The following FXR2 variants were observed in gnomAD, a reference collection of about 807,000 sequenced individuals.
FXR2 encodes the protein FMR1 autosomal homolog 2.
FXR2 carries 9 observed loss-of-function variants against 87.3 expected under a neutral mutation model. That is an observed-to-expected ratio of 0.10 (90% confidence interval 0.06 to 0.18). FXR2 has a LOEUF of 0.18. FXR2 is among the 10% of genes least tolerant of loss of function. FXR2 has a pLI of 1.00. For missense variants in FXR2, 661 were observed against 893.6 expected (o/e 0.74, Z 3.32); for synonymous variants, 331 against 328.3 (o/e 1.01, Z -0.09).
At chr17:7,597,846 C>T (rs1020583430) in intron 7 of FXR2, among the ~76,000 whole-genome samples, 1 of 150,536 alleles carries the variant, frequency 6.6e-6, no homozygotes, top group Non-Finnish European at 1.5e-5. Flanking sequence ...ACCCTCTAAT[C>T]ATGAAGCCAC....
At position 7,602,199 on chromosome 17, in the gene FXR2, G is replaced by A. The variant is rs368659934; in HGVS notation, c.544-674C>T. On this transcript the variant is annotated intron_variant, in intron 6 of 16. Transcript: ENST00000250113. ...AGCACTTTGGGAGGCCAAGGCGGGC[G>A]GATCACGACGTCAGGAGTTCAAGAC... Among the ~76,000 whole-genome samples the A allele has an allele frequency of 1.6e-3, 245 of 152,292 alleles. 9 individuals are homozygous for A. The South Asian group carries it at 0.046, about 28-fold the overall frequency.
chr17:7,597,168 C>T (rs1031053153), intron 7 of FXR2, among the ~76,000 whole-genome samples: 4 of 152,158 alleles, frequency 2.6e-5, no homozygotes, highest in African/African-American at 4.8e-5. Context: ...CTTCATTTCT[C>T]AATCAGTCCT....
intron 1 of FXR2, 64 bp downstream of exon 1, chr17:7,614,388 C>T: frequency 1.7e-6 from 2 of 1,192,616 alleles, no homozygotes; most frequent in East Asian, 2.6e-5. Context: ...CCGCCCCACG[C>T]GTTCCTGCTC....
In FXR2 at chr17:7,592,839, C is replaced by G. The variant is rs1309784957; in HGVS notation, c.1584G>C (p.Glu528Asp). 1 of 1,611,608 alleles carries G rather than the reference C, an allele frequency of 6.2e-7. No individual in the cohort carries two copies. Among genetic ancestry groups the G allele is most frequent in the African/African-American group, 1.3e-5 (1 of 74,960 alleles). Residue 528 changes from glutamate (E) to aspartate (D), a missense_variant, in exon 14 of 17, where the codon GAG becomes GAC. Glu to Asp is a conservative substitution (Grantham distance 45, BLOSUM62 2). This residue lies in a region of FXR2 where 409 missense variants were observed against 432.0 expected (regional missense o/e 0.95). Transcript: ENST00000250113. This position sits in a 1 kb window ranked among gnomAD's most constrained non-coding sequence, Gnocchi z 4.8. ...PYSLLDTSEP[E>D]PPVDSEPGEP... ...CCCCAGGTTCTGAATCAACCGGGGGCTCTGGTTCAGACGTGTCCAATAGGC... is the reference window on the plus strand; with the variant it reads ...CCCCAGGTTCTGAATCAACCGGGGGGTCTGGTTCAGACGTGTCCAATAGGC...
chr17:7,599,051 C>T (rs1034261531), intron 7 of FXR2, among the ~76,000 whole-genome samples: 1 of 151,800 alleles, frequency 6.6e-6, no homozygotes, highest in African/African-American at 2.4e-5. Context: ...GCACAAGAAT[C>T]GCTTGAACCC....
At chr17:7,608,458 AATAT>A (rs2071822581) in intron 1 of FXR2, among the ~76,000 whole-genome samples, 1 of 150,174 alleles carries the variant, frequency 6.7e-6, no homozygotes, top group African/African-American at 2.4e-5. Flanking sequence ...TAATAATAAT[AATAT>A]ATAAATTAGC....
Position 7,594,910 on chromosome 17 carries a change from G to T in FXR2, c.832-153C>A, listed in dbSNP as rs567894254. Among the ~76,000 whole-genome samples, 1 of 151,848 alleles carries T rather than the reference G, an allele frequency of 6.6e-6. No individual in the cohort carries two copies. The highest frequency in any genetic ancestry group is 1.5e-5 in the Non-Finnish European group (1 of 67,948). On this transcript the variant is annotated intron_variant, in intron 8 of 16. Coordinates refer to ENST00000250113, the MANE Select transcript of FXR2 (RefSeq NM_004860.4). The surrounding 1 kb of genome is among the most constrained non-coding windows in gnomAD (Gnocchi z 5.1). Reference sequence around the variant, plus strand: ...ACTAGCCTGGGCAATATGGTGAAACGCCATCTCTACTAAAAATACAAAAAT... The same window carrying T: ...ACTAGCCTGGGCAATATGGTGAAACTCCATCTCTACTAAAAATACAAAAAT...
In FXR2 at chr17:7,593,803, A is replaced by C; in HGVS notation, c.1107+115T>G. On this transcript the variant is annotated intron_variant, in intron 11 of 16. Transcript: ENST00000250113. This position sits in a 1 kb window ranked among gnomAD's most constrained non-coding sequence, Gnocchi z 6.1. Reference sequence around the variant, plus strand: ...ACCCTATAGCCCCAAATTTCCACAGATGTTTTCTGTTCTACACGGAGAGAC... The same window carrying C: ...ACCCTATAGCCCCAAATTTCCACAGCTGTTTTCTGTTCTACACGGAGAGAC... The C allele has an allele frequency of 1.2e-6, 1 of 835,144 alleles. No homozygotes were observed. The highest frequency in any genetic ancestry group is 2.0e-6 in the Non-Finnish European group (1 of 506,886). The allele number at this position is 835,144 out of a possible 1,614,324, so 51.7% of individuals were successfully genotyped here. A position where few individuals can be genotyped will look rare whatever the true frequency, so the allele number is the denominator to read the frequency against.
Position 7,593,503 on chromosome 17 carries a change from G to T in FXR2, c.1230C>A (p.Ser410Arg). 6.3e-7 allele frequency: 1 copy of T among 1,586,614 alleles called. No individual in the cohort carries two copies. ...GGGAGGAGGAGGAGCTCTCATCAGT[G>T]CTATATCCAGCCTTGTCGCTGCCAC... ...GSGGSDKAGY[S>R]TDESSSSSLH... is the part of the protein sequence containing the mutation. The change falls in exon 12 of 17, where the codon AGC (serine) becomes AGA (arginine). Residue 410 changes from serine (S) to arginine (R), a missense_variant. Physicochemically the swap from Ser to Arg is moderately radical, Grantham distance 110. Coordinates refer to ENST00000250113, the MANE Select transcript of FXR2 (RefSeq NM_004860.4). The surrounding 1 kb of genome is among the most constrained non-coding windows in gnomAD (Gnocchi z 6.1).
chr17:7,596,156 G>C, intron 7 of FXR2, 162 bp from the exon 8 acceptor site: 1 of 607,462 alleles, frequency 1.6e-6, no homozygotes, highest in Non-Finnish European at 2.9e-6. Flanking sequence ...GAAAGGTCAG[G>C]AACTTTTTGT....
chr17:7,608,280 T>G (rs1458966411), intron 1 of FXR2, among the ~76,000 whole-genome samples: 1 of 151,634 alleles, frequency 6.6e-6, no homozygotes, highest in Non-Finnish European at 1.5e-5. Context: ...GATATCTTGT[T>G]CCAGCACTGT....
intron 1 of FXR2, among the ~76,000 whole-genome samples, chr17:7,609,945 TATATGTATAC>T (rs2071839235): frequency 1.0e-5 from 1 of 98,748 alleles, no homozygotes; most frequent in African/African-American, 3.2e-5. Flanking sequence ...TATATACATG[TATATGTATAC>T]ATATATATAC....
rs1174369606 is a variant in FXR2 at position 7,614,609 on chromosome 17, C to T, written c.-77G>A. Reference sequence around the variant, plus strand: ...AGTGCGGGCCGGGCCAGGCCCCCGGCGTCTCCCCGGAGGAGGAGCCGGAGG... The same window carrying T: ...AGTGCGGGCCGGGCCAGGCCCCCGGTGTCTCCCCGGAGGAGGAGCCGGAGG... On this transcript the variant is annotated 5_prime_UTR_variant, in exon 1 of 17. Coordinates refer to ENST00000250113, the MANE Select transcript of FXR2 (RefSeq NM_004860.4). 1 of 935,682 alleles carries T rather than the reference C, an allele frequency of 1.1e-6. No individual in the cohort carries two copies. The highest frequency in any genetic ancestry group is 1.4e-6 in the Non-Finnish European group (1 of 704,224). The allele number at this position is 935,682 out of a possible 1,614,324, so 58.0% of individuals were successfully genotyped here.
At chr17:7,612,687 T>C (rs1353109111) in intron 1 of FXR2, among the ~76,000 whole-genome samples, 1 of 151,880 alleles carries the variant, frequency 6.6e-6, no homozygotes, top group Non-Finnish European at 1.5e-5. Context: ...TGGGTAAGTA[T>C]GAAGAGTGAG....
chr17:7,596,830 C>T (rs1247260839), intron 7 of FXR2, among the ~76,000 whole-genome samples: 1 of 152,050 alleles, frequency 6.6e-6, no homozygotes, highest in African/African-American at 2.4e-5. Context: ...AGGCTGTGCG[C>T]GGTGGCTCAC....
At chr17:7,606,460 C>G (rs2071803975) in intron 1 of FXR2, among the ~76,000 whole-genome samples, 1 of 152,168 alleles carries the variant, frequency 6.6e-6, no homozygotes, top group Non-Finnish European at 1.5e-5. Context: ...AGCAGCCTGC[C>G]AGAGTTCAAT....
intron 3 of FXR2, among the ~76,000 whole-genome samples, chr17:7,605,386 AC>A: frequency 6.6e-6 from 1 of 152,244 alleles, no homozygotes; most frequent in African/African-American, 2.4e-5. Context: ...AACAACAACA[AC>A]AACAAAAAAA....
Position 7,594,128 on chromosome 17 carries a change from T to TA in FXR2, c.1020+109dup. ...TTCTGGGCTCTAAATCTACTAGTGTTAAACAACTTTCCGTACTCCACCCTC... is the reference window on the plus strand; with the variant it reads ...TTCTGGGCTCTAAATCTACTAGTGTTAAAACAACTTTCCGTACTCCACCCTC... On this transcript the variant is annotated intron_variant, in intron 10 of 16. Transcript: ENST00000250113. The surrounding 1 kb of genome is among the most constrained non-coding windows in gnomAD (Gnocchi z 5.1). 2.2e-6 allele frequency: 2 copies of TA among 895,464 alleles called. No homozygotes were observed. Among genetic ancestry groups the TA allele is most frequent in the Non-Finnish European group, 3.7e-6 (2 of 541,842 alleles). The allele number at this position is 895,464 out of a possible 1,614,324, so 55.5% of individuals were successfully genotyped here. A position where few individuals can be genotyped will look rare whatever the true frequency, so the allele number is the denominator to read the frequency against.
chr17:7,591,463 A>G lies in FXR2; in HGVS notation c.*367T>C. On this transcript the variant is annotated 3_prime_UTR_variant, in exon 17 of 17. Coordinates refer to ENST00000250113, the MANE Select transcript of FXR2 (RefSeq NM_004860.4). The surrounding 1 kb of genome is among the most constrained non-coding windows in gnomAD (Gnocchi z 4.0). ...GAAATGGGGGGTACAGGATGGGAGG[A>G]GGGATAGCAGGGGAGGCCCCCTGAA... The G allele has an allele frequency of 3.9e-6, 1 of 258,928 alleles. No individual in the cohort carries two copies. The highest frequency in any genetic ancestry group is 3.9e-5 in the South Asian group (1 of 25,948). The allele number at this position is 258,928 out of a possible 1,614,324, so 16.0% of individuals were successfully genotyped here. A position where few individuals can be genotyped will look rare whatever the true frequency, so the allele number is the denominator to read the frequency against.
Sources: allele counts gnomAD v4.1 joint callset (sites outside exome capture counted in the v4.1 genomes callset), GRCh38; gene constraint gnomAD v4.1.1; regional missense constraint gnomAD v4.1.1; non-coding constraint Gnocchi (gnomAD v3.1); transcripts MANE v1.5; gene names NCBI Gene and HGNC (gene_info 2026-07-23, HGNC 2026-07-21).